The following OPN5 variants were observed in gnomAD, a reference collection of about 807,000 sequenced individuals.
The protein encoded by OPN5 is opsin 5.
A neutral mutation model predicts 41.7 loss-of-function variants in OPN5; 18 were observed. The ratio of observed to expected loss-of-function variants is 0.43; its 90% CI spans 0.30 to 0.64. The LOEUF (loss-of-function observed/expected upper bound fraction) is 0.64. Ranked by LOEUF, OPN5 falls within the 30% of genes least tolerant of loss-of-function variation. The pLI, the probability that OPN5 is intolerant of heterozygous loss-of-function variation, is 0.13. For missense variants in OPN5, 318 were observed against 434.5 expected, an observed-to-expected ratio of 0.73 and a Z score of 2.38; for synonymous variants, 178 against 164.3, an observed-to-expected ratio of 1.08 and a Z score of -0.64.
chr6:47,782,960 A>G (rs1298521732), intron 1 of OPN5, among the ~76,000 whole-genome samples: 1 of 152,154 alleles, frequency 6.6e-6, no homozygotes, highest in African/African-American at 2.4e-5. Flanking sequence ...TAATTTTTAA[A>G]AATTAAATAC....
chr6:47,791,967 C>G, exon 3 of OPN5: 1 of 1,612,472 alleles, frequency 6.2e-7, no homozygotes, highest in Non-Finnish European at 8.5e-7. Flanking sequence ...TGCTATTTAT[C>G]TTATGGTAAG....
At chr6:47,787,934 C>T (rs9349433) in intron 2 of OPN5, among the ~76,000 whole-genome samples, 124,559 of 152,130 alleles carry the variant, frequency 0.82, 51,160 homozygotes, top group East Asian at 0.93. Flanking sequence ...TCTCTCTTCG[C>T]AAGTGGATTT....
exon 2 of OPN5, chr6:47,786,581 G>A: frequency 1.9e-6 from 3 of 1,611,694 alleles, no homozygotes; most frequent in Non-Finnish European, 2.5e-6. Context: ...AAGAAGCTGA[G>A]ACCCGCTGAA....
chr6:47,815,442 G>A (rs1019877463), intron 6 of OPN5, among the ~76,000 whole-genome samples: 2 of 152,096 alleles, frequency 1.3e-5, no homozygotes, highest in East Asian at 3.9e-4. Flanking sequence ...ATGATGAGTA[G>A]GCTGTTGCAG....
At chr6:47,807,017 C>T (rs1363304472) in intron 4 of OPN5, among the ~76,000 whole-genome samples, 1 of 152,128 alleles carries the variant, frequency 6.6e-6, no homozygotes, top group East Asian at 1.9e-4. Context: ...ATTAGCCAGG[C>T]ATGGTGGTGT....
intron 2 of OPN5, among the ~76,000 whole-genome samples, chr6:47,788,133 C>G (rs935071621): frequency 1.3e-5 from 2 of 152,318 alleles, no homozygotes. Context: ...TTAAGAAGAG[C>G]AAGACATGCC....
chr6:47,791,252 G>C (rs1773360343), intron 2 of OPN5, among the ~76,000 whole-genome samples: 1 of 151,066 alleles, frequency 6.6e-6, no homozygotes, highest in Admixed American at 6.6e-5. Flanking sequence ...GATCACCTCA[G>C]TAGATGCCAA....
In OPN5 at chr6:47,801,243, C is replaced by G. The variant is rs149208031; in HGVS notation, c.756+5680C>G. Among the ~76,000 whole-genome samples, 4 of 152,336 alleles carry G rather than the reference C, an allele frequency of 2.6e-5. No individual in the cohort carries two copies. The East Asian group carries it at 7.7e-4, about 29-fold the overall frequency. On this transcript the variant is annotated intron_variant, in intron 4 of 6. Transcript: ENST00000371211. ...CCTGCTAGCTGTTTAATCAAGATTA[C>G]TTGAATAAATACATAATTGAATAAA...
chr6:47,782,599 T>A (rs1469975029), intron 1 of OPN5, among the ~76,000 whole-genome samples: 3 of 152,162 alleles, frequency 2.0e-5, no homozygotes, highest in Non-Finnish European at 2.9e-5. Context: ...ATAATCTAGG[T>A]CAGTCTCCTG....
intron 2 of OPN5, among the ~76,000 whole-genome samples, chr6:47,787,951 C>G (rs1773243292): frequency 6.6e-6 from 1 of 152,094 alleles, no homozygotes; most frequent in African/African-American, 2.4e-5. Context: ...ATTTTTCTGC[C>G]GATCTCTAAA....
chr6:47,810,947 T>C (rs538617858), intron 5 of OPN5, among the ~76,000 whole-genome samples: 5 of 152,166 alleles, frequency 3.3e-5, no homozygotes, highest in African/African-American at 7.2e-5. Context: ...TCTGGATTGG[T>C]CTTGAGCTTC....
At chr6:47,801,812 G>GC (rs1773785157) in intron 4 of OPN5, among the ~76,000 whole-genome samples, 1 of 149,752 alleles carries the variant, frequency 6.7e-6, no homozygotes. Context: ...TAACAACCAT[G>GC]TTTTTTTTTT....
At chr6:47,825,809 G>A (rs79916488), downstream of OPN5, 98 of 152,266 alleles carry the variant, frequency 6.4e-4, no homozygotes, top group African/African-American at 2.3e-3. Context: ...GATGATACTT[G>A]CCTCTGGATG....
intron 6 of OPN5, among the ~76,000 whole-genome samples, chr6:47,821,973 G>A (rs533078042): frequency 3.8e-4 from 58 of 152,084 alleles, no homozygotes; most frequent in African/African-American, 8.7e-4. Context: ...TTAGCTGGGC[G>A]CGGTGGCACG....
chr6:47,816,195 T>C (rs1011983264), intron 6 of OPN5, among the ~76,000 whole-genome samples: 6 of 152,204 alleles, frequency 3.9e-5, no homozygotes, highest in African/African-American at 1.4e-4. Context: ...GTTTGGAAGA[T>C]ACAAAAGATG....
intron 1 of OPN5, among the ~76,000 whole-genome samples, chr6:47,784,535 T>A (rs1773153796): frequency 6.6e-6 from 1 of 152,148 alleles, no homozygotes; most frequent in African/African-American, 2.4e-5. Context: ...TGGCCTCAAG[T>A]GATTTGCCCA....
intron 6 of OPN5, 24 bp from the exon 7 acceptor site, chr6:47,823,959 A>C: frequency 6.5e-7 from 1 of 1,546,964 alleles, no homozygotes; most frequent in South Asian, 1.2e-5. Context: ...CTCACCCTAA[A>C]ACTCAATTTT....
chr6:47,815,875 T>C (rs532471158), intron 6 of OPN5, among the ~76,000 whole-genome samples: 1 of 152,138 alleles, frequency 6.6e-6, no homozygotes, highest in African/African-American at 2.4e-5. Flanking sequence ...TGGGATATAT[T>C]CTAAAAGTAC....
chr6:47,817,546 G>C (rs1405989638), intron 6 of OPN5, among the ~76,000 whole-genome samples: 4 of 152,090 alleles, frequency 2.6e-5, no homozygotes. Context: ...TGCAGACCCA[G>C]AGCTTGGGTA....
Sources: gnomAD v4.1 joint callset for allele counts (sites outside exome capture counted in the v4.1 genomes callset) on GRCh38, gnomAD v4.1.1 for gene constraint, MANE v1.5 for transcripts, NCBI Gene and HGNC (gene_info 2026-07-23, HGNC 2026-07-21) for gene names.